The following ATP6V0A1 variants were observed in gnomAD, a reference collection of about 807,000 sequenced individuals.
ATP6V0A1 encodes the protein ATPase H+ transporting V0 subunit a1.
ATP6V0A1 carries 43 observed loss-of-function variants against 105.4 expected under a neutral mutation model. That is an observed-to-expected ratio of 0.41 (90% CI 0.32 to 0.53). The LOEUF (loss-of-function observed/expected upper bound fraction) is 0.53, where lower values mean the gene tolerates loss of function less well. Ranked by LOEUF, ATP6V0A1 falls within the 20% of genes least tolerant of loss-of-function variation. ATP6V0A1 has a pLI of 0.30. For missense variants in ATP6V0A1, 676 were observed against 1,051.1 expected (o/e 0.64, Z 4.93); for synonymous variants, 362 against 372.8 (o/e 0.97, Z 0.33).
rs142464707 is a variant in ATP6V0A1 at position 42,465,451 on chromosome 17, C to G, written c.118-978C>G. On this transcript the variant is annotated intron_variant, in intron 2 of 21. Transcript: ENST00000343619. ...GATTACAGATGTACACTACCATGCC[C>G]GGCTAATTTTGTATTTTTAGTAGAG... is the stretch of plus-strand genomic sequence containing the variant. Among the ~76,000 whole-genome samples the G allele has an allele frequency of 9.7e-3, 1,463 of 151,154 alleles. 16 individuals carry two copies. Among genetic ancestry groups the G allele is most frequent in the Middle Eastern group, 0.031 (9 of 292 alleles).
At position 42,505,787 on chromosome 17, in the gene ATP6V0A1, C is replaced by CT. The variant is rs200710030; in HGVS notation, c.2005-1718dup. 1.2e-3 allele frequency among the ~76,000 whole-genome samples: 166 copies of CT among 143,094 alleles called. 1 individual carries two copies. The highest frequency in any genetic ancestry group is 1.1e-3 in the South Asian group (5 of 4,514). The allele number at this position is 143,094 out of a possible 152,430, so 93.9% of individuals were successfully genotyped here. ...TCAGGGAACATCCTTTTTCATATGT[C>CT]TTTTTTTTTTTTTTTCTTGAGACAG... is the stretch of plus-strand genomic sequence containing the variant. On this transcript the variant is annotated intron_variant, in intron 17 of 21. Transcript: ENST00000343619.
At chr17:42,505,933 G>A (rs1317889065) in intron 17 of ATP6V0A1, among the ~76,000 whole-genome samples, 10 of 151,342 alleles carry the variant, frequency 6.6e-5, no homozygotes, top group Non-Finnish European at 1.3e-4. Context: ...GATTACAGGC[G>A]CCCACCTCTA....
intron 5 of ATP6V0A1, among the ~76,000 whole-genome samples, chr17:42,477,179 G>A (rs928152082): frequency 6.6e-6 from 1 of 152,088 alleles, no homozygotes; most frequent in Non-Finnish European, 1.5e-5. Flanking sequence ...TCTCACGTAG[G>A]GAAAATTCTA....
chr17:42,506,195 A>C (rs1053178468), intron 17 of ATP6V0A1, among the ~76,000 whole-genome samples: 1 of 152,184 alleles, frequency 6.6e-6, no homozygotes, highest in Non-Finnish European at 1.5e-5. Context: ...ACCCTTCACA[A>C]TGATTATACA....
chr17:42,505,882 G>T (rs942367744), intron 17 of ATP6V0A1, among the ~76,000 whole-genome samples: 1 of 151,512 alleles, frequency 6.6e-6, no homozygotes, highest in Admixed American at 6.6e-5. Flanking sequence ...TCACCTCCCG[G>T]GTTTCAGCAG....
chr17:42,477,831 T>C, intron 6 of ATP6V0A1, 89 bp downstream of exon 6: 6 of 1,068,822 alleles, frequency 5.6e-6, no homozygotes, highest in Non-Finnish European at 8.4e-6. Context: ...ATTCACTTGC[T>C]ACCAGGATAT....
At chr17:42,478,756 A>G (rs2089107393) in intron 7 of ATP6V0A1, 167 bp downstream of exon 7, 2 of 579,154 alleles carry the variant, frequency 3.5e-6, no homozygotes. Flanking sequence ...AATTCCTGTC[A>G]TATATACATA....
Position 42,487,356 on chromosome 17 carries a change from A to G in ATP6V0A1, c.1012A>G (p.Arg338Gly). 1 of 1,613,902 alleles carries G rather than the reference A, an allele frequency of 6.2e-7. No individual in the cohort carries two copies. Among genetic ancestry groups the G allele is most frequent in the Non-Finnish European group, 8.5e-7 (1 of 1,180,004 alleles). Reference sequence around the variant, plus strand: ...CCTTGACTCCATCCAGTTTGCACTCAGAAGGGGCACGGTGAGTCCCCAAAG... The same window carrying G: ...CCTTGACTCCATCCAGTTTGCACTCGGAAGGGGCACGGTGAGTCCCCAAAG... Reference protein sequence around the residue: ...TDLDSIQFALRRGTEHSGSTV... With the variant: ...TDLDSIQFALGRGTEHSGSTV... The change falls in exon 10 of 22, where the codon AGA becomes GGA. Residue 338 changes from arginine to glycine, a missense_variant. Coordinates refer to ENST00000343619, the MANE Select transcript of ATP6V0A1 (RefSeq NM_001130021.3).
rs765355352 is a variant in ATP6V0A1 at position 42,487,307 on chromosome 17, A to G, written c.963A>G (p.Ala321=). Residue 321 remains alanine (A), a synonymous_variant, in exon 10 of 22, where the codon GCA becomes GCG. Coordinates refer to ENST00000343619, the MANE Select transcript of ATP6V0A1 (RefSeq NM_001130021.3). Reference sequence around the variant, plus strand: ...ATGTGACTCAGAAATGCTTGATTGCAGAGGTCTGGTGCCCTGTCACCGACC... The same window carrying G: ...ATGTGACTCAGAAATGCTTGATTGCGGAGGTCTGGTGCCCTGTCACCGACC... The part of the protein sequence containing the change: ...NIDVTQKCLI[A]EVWCPVTDLD... 6.2e-7 allele frequency: 1 copy of G among 1,614,216 alleles called. No homozygotes were observed. The highest frequency in any genetic ancestry group is 8.5e-7 in the Non-Finnish European group (1 of 1,180,032).
At chr17:42,498,670 CA>C in intron 14 of ATP6V0A1, among the ~76,000 whole-genome samples, 1 of 151,948 alleles carries the variant, frequency 6.6e-6, no homozygotes, top group East Asian at 1.9e-4. Flanking sequence ...ACTAAAAATA[CA>C]AAAAAATAGC....
Position 42,458,961 on chromosome 17 carries a change from G to C in ATP6V0A1, c.-50G>C, listed in dbSNP as rs1225454629. 1 of 153,116 alleles carries C rather than the reference G, an allele frequency of 6.5e-6. No homozygotes were observed. Among genetic ancestry groups the C allele is most frequent in the Non-Finnish European group, 1.5e-5 (1 of 68,556 alleles). 9.5% of individuals were successfully genotyped at this position (153,116 alleles called of 1,614,324 possible). ...GTGGCGGTTGCTGTGGCGGAGTTTGGAGGTGAGTGGGGGCTGTAGGTTTAG... is the reference window on the plus strand; with the variant it reads ...GTGGCGGTTGCTGTGGCGGAGTTTGCAGGTGAGTGGGGGCTGTAGGTTTAG... On this transcript the variant is annotated splice_region_variant and 5_prime_UTR_variant, in exon 1 of 22. Coordinates refer to ENST00000343619, the MANE Select transcript of ATP6V0A1 (RefSeq NM_001130021.3).
chr17:42,507,510 A>C lies in ATP6V0A1; in HGVS notation c.2005-10A>C, dbSNP rs773530323. 6.3e-7 allele frequency: 1 copy of C among 1,591,624 alleles called. No individual in the cohort carries two copies. The highest frequency in any genetic ancestry group is 2.2e-5 in the East Asian group (1 of 44,458). Reference sequence around the variant, plus strand: ...CAGGCAAATTCTACTCTTTCTGTTCATCTGTGTAGGGAACTCTCAACTTTG... The same window carrying C: ...CAGGCAAATTCTACTCTTTCTGTTCCTCTGTGTAGGGAACTCTCAACTTTG... On this transcript the variant is annotated splice_polypyrimidine_tract_variant and intron_variant, in intron 17 of 21. Coordinates refer to ENST00000343619, the MANE Select transcript of ATP6V0A1 (RefSeq NM_001130021.3).
Position 42,475,109 on chromosome 17 carries a change from G to A in ATP6V0A1, c.424-2551G>A, listed in dbSNP as rs528593599. Among the ~76,000 whole-genome samples the A allele has an allele frequency of 9.9e-5, 15 of 152,252 alleles. No homozygotes were observed. In the South Asian group the frequency reaches 2.9e-3, roughly 29 times the overall value. The stretch of plus-strand genomic sequence containing the variant: ...ATTCCCTGCTTTCCTTTCCTTCTCA[G>A]TTTTCCATCCATCTGCTTTCTTTAT... On this transcript the variant is annotated intron_variant, in intron 5 of 21. Coordinates refer to ENST00000343619, the MANE Select transcript of ATP6V0A1 (RefSeq NM_001130021.3).
intron 1 of ATP6V0A1, among the ~76,000 whole-genome samples, chr17:42,459,403 A>G (rs781183539): frequency 1.5e-4 from 23 of 152,298 alleles, no homozygotes; most frequent in Admixed American, 5.2e-4. Context: ...TCTTCTAGGC[A>G]GGGCGCGGGG....
chr17:42,483,505 G>C (rs1315270971), intron 9 of ATP6V0A1, among the ~76,000 whole-genome samples: 1 of 151,818 alleles, frequency 6.6e-6, no homozygotes, highest in Non-Finnish European at 1.5e-5. Flanking sequence ...CCTCCTAGGC[G>C]CAAGTGATGC....
intron 2 of ATP6V0A1, among the ~76,000 whole-genome samples, chr17:42,464,407 T>C (rs1486549262): frequency 6.6e-6 from 1 of 152,044 alleles, no homozygotes; most frequent in Non-Finnish European, 1.5e-5. Context: ...TGTATTTTTT[T>C]TTTTCTTTTT....
chr17:42,506,039 C>T (rs971928186), intron 17 of ATP6V0A1, among the ~76,000 whole-genome samples: 7 of 152,194 alleles, frequency 4.6e-5, no homozygotes, highest in African/African-American at 7.2e-5. Context: ...CTGCCTGACT[C>T]GGCCTTCCAA....
rs770938788 is a variant in ATP6V0A1, at chr17:42,500,781, A to G, written c.1754A>G (p.Tyr585Cys). The G allele has an allele frequency of 1.9e-6, 3 of 1,613,678 alleles. No homozygotes were observed. The highest frequency in any genetic ancestry group is 1.3e-5 in the African/African-American group (1 of 74,848). ...ATCTTCATGACCTCTTTGTTTGGCT[A>G]TTTGGTTATCCTTATTTTTTACAAG... ...EIIFMTSLFG[Y>C]LVILIFYKWT... The change falls in exon 16 of 22, where the codon TAT becomes TGT. Residue 585 changes from tyrosine to cysteine, a missense_variant. By Grantham distance (194) the Tyr-to-Cys change is radical (BLOSUM62 -2). Coordinates refer to ENST00000343619, the MANE Select transcript of ATP6V0A1 (RefSeq NM_001130021.3).
At chr17:42,517,527 C>T (rs2092681080) in intron 21 of ATP6V0A1, among the ~76,000 whole-genome samples, 1 of 152,216 alleles carries the variant, frequency 6.6e-6, no homozygotes, top group Non-Finnish European at 1.5e-5. Context: ...TGCAAACCTC[C>T]TTTGTGCAAC....
Sources: gnomAD v4.1 joint callset for allele counts (sites outside exome capture counted in the v4.1 genomes callset) on GRCh38, gnomAD v4.1.1 for gene constraint, MANE v1.5 for transcripts, NCBI Gene and HGNC (gene_info 2026-07-23, HGNC 2026-07-21) for gene names.